Variants in ATP8B4 observed in about 807,000 individuals in gnomAD.
ATP8B4 encodes ATPase phospholipid transporting 8B4 (putative), also known as probable phospholipid-transporting ATPase IM.
Under a neutral mutation model 145.6 loss-of-function variants are expected in ATP8B4, and 133 were observed. That is an observed-to-expected ratio of 0.91 (90% CI 0.79 to 1.05). ATP8B4 has a LOEUF of 1.05. Ranked by LOEUF, ATP8B4 falls within the 50% of genes least tolerant of loss-of-function variation. The pLI is 0.00. For synonymous variants in ATP8B4, 507 were observed against 492.9 expected (o/e 1.03, Z -0.38); for missense variants, 1,458 against 1,425.2 (o/e 1.02, Z -0.37).
chr15:49,931,041 A>G, intron 16 of ATP8B4, 78 bp downstream of exon 16: 1 of 1,455,008 alleles, frequency 6.9e-7, no homozygotes, highest in Non-Finnish European at 9.3e-7. Context: ...GCACATAGCC[A>G]AAAGTGAAAT....
In ATP8B4 at chr15:49,938,500, A is replaced by T. The variant is rs536188512; in HGVS notation, c.1288-4318T>A. Among the ~76,000 whole-genome samples the T allele has an allele frequency of 2.0e-5, 3 of 152,294 alleles. No homozygotes were observed. The East Asian group carries it at 5.8e-4, about 29-fold the overall frequency. ...ACACACTGTAAACCAATAACAGTAA[A>T]AAAACAAAGAAGGGCATTACCTAAT... is the stretch of plus-strand genomic sequence containing the variant. On this transcript the variant is annotated intron_variant, in intron 14 of 27. Coordinates refer to ENST00000284509, the MANE Select transcript of ATP8B4 (RefSeq NM_024837.4).
chr15:49,863,029 A>G (rs2032130700), intron 26 of ATP8B4, among the ~76,000 whole-genome samples: 3 of 152,232 alleles, frequency 2.0e-5, no homozygotes, highest in Non-Finnish European at 2.9e-5. Context: ...AATTAAAACT[A>G]TCACATCAAA....
intron 3 of ATP8B4, among the ~76,000 whole-genome samples, chr15:50,073,858 C>G (rs993995381): frequency 1.3e-5 from 2 of 152,040 alleles, no homozygotes; most frequent in Non-Finnish European, 2.9e-5. Flanking sequence ...CAAATGGGTA[C>G]CAAAATGAGC....
intron 6 of ATP8B4, among the ~76,000 whole-genome samples, chr15:50,025,449 C>T (rs758828327): frequency 6.6e-6 from 1 of 152,202 alleles, no homozygotes; most frequent in Non-Finnish European, 1.5e-5. Flanking sequence ...AATCACCATC[C>T]TCCTTCCCCT....
At chr15:50,047,859 G>C (rs965807148) in intron 3 of ATP8B4, among the ~76,000 whole-genome samples, 1 of 152,106 alleles carries the variant, frequency 6.6e-6, no homozygotes, top group Non-Finnish European at 1.5e-5. Flanking sequence ...GACCCTTTTA[G>C]ATACCTCCGA....
rs555470486 is a variant in ATP8B4, at chr15:50,090,821, C to G, written c.28+16118G>C. Among the ~76,000 whole-genome samples, 6 of 151,956 alleles carry G rather than the reference C, an allele frequency of 3.9e-5. No homozygotes were observed. The East Asian group carries it at 7.7e-4, about 20-fold the overall frequency. On this transcript the variant is annotated intron_variant, in intron 2 of 27. Transcript: ENST00000284509. ...AGGGCTGGTCTCAAACTCTTGGGCT[C>G]AAAAGATTCTCTAGCCTTGGCCTTC...
At chr15:49,956,241 T>C (rs1033429235) in intron 14 of ATP8B4, among the ~76,000 whole-genome samples, 9 of 152,132 alleles carry the variant, frequency 5.9e-5, no homozygotes, top group Non-Finnish European at 1.3e-4. Context: ...TAATATTATT[T>C]TACACTTTAT....
rs568573190 is a variant in ATP8B4 at position 50,113,502 on chromosome 15, C to CTGTGTATG, written c.-43+5613_-43+5620dup. ...GAAGTAAAAAAAAAATTAAGCCAATCTGTGTATGTGTGTATGTGTGTACGT... is the reference window on the plus strand; with the variant it reads ...GAAGTAAAAAAAAAATTAAGCCAATCTGTGTATGTGTGTATGTGTGTATGTGTGTACGT... On this transcript the variant is annotated intron_variant, in intron 1 of 27. Transcript: ENST00000284509. 6.7e-4 allele frequency among the ~76,000 whole-genome samples: 102 copies of CTGTGTATG among 151,798 alleles called. No homozygotes were observed. The South Asian group carries it at 0.021, about 31-fold the overall frequency.
At chr15:49,882,649 T>C (rs560612508) in intron 23 of ATP8B4, among the ~76,000 whole-genome samples, 3 of 152,310 alleles carry the variant, frequency 2.0e-5, no homozygotes, top group South Asian at 2.1e-4. Context: ...TAATTGCATT[T>C]AAATACAGTG....
At chr15:49,952,383 T>C (rs2043181608) in intron 14 of ATP8B4, among the ~76,000 whole-genome samples, 1 of 152,180 alleles carries the variant, frequency 6.6e-6, no homozygotes, top group South Asian at 2.1e-4. Context: ...CTTGGAGCTT[T>C]GTTCCTTACT....
At chr15:49,897,005 T>G (rs750152277) in intron 23 of ATP8B4, 1 of 325,934 alleles carries the variant, frequency 3.1e-6, no homozygotes, top group Non-Finnish European at 5.7e-6. Context: ...TTACCTGTCA[T>G]CATACCAAAA....
chr15:49,945,570 A>C (rs2042496914), intron 14 of ATP8B4, among the ~76,000 whole-genome samples: 1 of 152,108 alleles, frequency 6.6e-6, no homozygotes, highest in Non-Finnish European at 1.5e-5. Flanking sequence ...AAGTATATAT[A>C]AGCTGATTAC....
At chr15:49,973,454 C>T (rs2045360540) in intron 12 of ATP8B4, among the ~76,000 whole-genome samples, 1 of 152,124 alleles carries the variant, frequency 6.6e-6, no homozygotes, top group East Asian at 1.9e-4. Flanking sequence ...TGAGAACATT[C>T]TCTCCAATAC....
At chr15:49,865,757 T>C (rs114796847) in intron 26 of ATP8B4, among the ~76,000 whole-genome samples, 3,081 of 152,306 alleles carry the variant, frequency 0.02, 51 homozygotes, top group South Asian at 0.044. Flanking sequence ...TTTATTCCTA[T>C]ATATTCTCGC....
At chr15:49,942,375 C>T (rs1467216671) in intron 14 of ATP8B4, among the ~76,000 whole-genome samples, 2 of 151,344 alleles carry the variant, frequency 1.3e-5, no homozygotes, top group Non-Finnish European at 2.9e-5. Context: ...TGGATGAAGC[C>T]AACAATCTAT....
At chr15:50,084,498 T>A (rs1410614117) in intron 2 of ATP8B4, among the ~76,000 whole-genome samples, 7 of 152,172 alleles carry the variant, frequency 4.6e-5, no homozygotes, top group Non-Finnish European at 1.0e-4. Flanking sequence ...GTCTCAATGC[T>A]TCTGCCCCTT....
At chr15:50,085,693 C>G (rs899550776) in intron 2 of ATP8B4, among the ~76,000 whole-genome samples, 3 of 150,698 alleles carry the variant, frequency 2.0e-5, no homozygotes, top group Non-Finnish European at 3.0e-5. Context: ...ATTTAGTATT[C>G]AACAACTCCT....
chr15:49,943,446 T>C (rs1599314312), intron 14 of ATP8B4, among the ~76,000 whole-genome samples: 1 of 148,834 alleles, frequency 6.7e-6, no homozygotes, highest in African/African-American at 2.5e-5. Flanking sequence ...TTGTCAAAAG[T>C]CAAAGAGAAT....
At chr15:50,012,192 A>C (rs2048764296) in intron 6 of ATP8B4, among the ~76,000 whole-genome samples, 1 of 152,122 alleles carries the variant, frequency 6.6e-6, no homozygotes, top group Non-Finnish European at 1.5e-5. Context: ...TTATCTTTAC[A>C]GGTATGAATT....
Sources: allele counts gnomAD v4.1 joint callset (sites outside exome capture counted in the v4.1 genomes callset), GRCh38; gene constraint gnomAD v4.1.1; transcripts MANE v1.5; gene names NCBI Gene and HGNC (gene_info 2026-07-23, HGNC 2026-07-21).